Variants in SOS1 observed in about 807,000 individuals in gnomAD.
SOS1 encodes the protein SOS Ras/Rac guanine nucleotide exchange factor 1.
In SOS1, 25 loss-of-function variants were observed where a neutral mutation model predicts 157.6. The observed-to-expected ratio is 0.16, with a 90% confidence interval of 0.12 to 0.22. The LOEUF (loss-of-function observed/expected upper bound fraction) is 0.22. SOS1 is among the 10% of genes least tolerant of loss of function. The probability of loss-of-function intolerance (pLI) is 1.00; values close to 1 mark genes in which losing one functional copy is unlikely to be tolerated. For synonymous variants in SOS1, 528 were observed against 534.0 expected (o/e 0.99, Z 0.16); for missense variants, 1,237 against 1,599.1 (o/e 0.77, Z 3.86).
chr2:39,072,692 A>G (rs576363489), intron 1 of SOS1, among the ~76,000 whole-genome samples: 1 of 152,298 alleles, frequency 6.6e-6, no homozygotes, highest in East Asian at 1.9e-4. Context: ...ATATCCAAAT[A>G]AGAACTATTA....
rs555481161 is a variant in SOS1 at position 39,090,462 on chromosome 2, G to A, written c.88-22709C>T. ...TGTAATCCCAGCACTTTGTGAGGCC[G>A]AGGTGGGCGGATTACCTGAGGTCAG... On this transcript the variant is annotated intron_variant, in intron 1 of 22. Coordinates refer to ENST00000402219, the MANE Select transcript of SOS1 (RefSeq NM_005633.4). Among the ~76,000 whole-genome samples, 5 of 152,222 alleles carry A rather than the reference G, an allele frequency of 3.3e-5. No homozygotes were observed. The South Asian group carries it at 6.2e-4, about 19-fold the overall frequency.
At chr2:39,013,595 G>T (rs1572822505) in intron 12 of SOS1, 32 bp from the exon 13 acceptor site, 3 of 1,322,198 alleles carry the variant, frequency 2.3e-6, no homozygotes, top group Non-Finnish European at 3.3e-6. Flanking sequence ...GAATTACATG[G>T]GAATCAAACA....
At chr2:39,104,272 G>C (rs1393767748) in intron 1 of SOS1, among the ~76,000 whole-genome samples, 1 of 151,618 alleles carries the variant, frequency 6.6e-6, no homozygotes, top group Non-Finnish European at 1.5e-5. Flanking sequence ...ACAACAGCAA[G>C]ACTTCATCTC....
Position 38,981,936 on chromosome 2 carries a change from G to A in SOS1, c.*3888C>T, listed in dbSNP as rs1436560981. 6.6e-6 allele frequency: 1 copy of A among 152,096 alleles called. No homozygotes were observed. The highest frequency in any genetic ancestry group is 1.5e-5 in the Non-Finnish European group (1 of 68,016). The allele number at this position is 152,096 out of a possible 1,614,324, so 9.4% of individuals were successfully genotyped here. A position where few individuals can be genotyped will look rare whatever the true frequency, so the allele number is the denominator to read the frequency against. ...CCCTGCCCAAATCCCGACCCCAAAT[G>A]CTGACTTGATCTGAAGAAAAAAATT... On this transcript the variant is annotated 3_prime_UTR_variant, in exon 23 of 23. Coordinates refer to ENST00000402219, the MANE Select transcript of SOS1 (RefSeq NM_005633.4).
intron 17 of SOS1, among the ~76,000 whole-genome samples, chr2:39,002,162 G>T (rs1558463148): frequency 1.3e-5 from 2 of 151,910 alleles, no homozygotes; most frequent in East Asian, 1.9e-4. Flanking sequence ...CTTGTCTCTA[G>T]TAAAAATACA....
At chr2:38,996,751 C>T (rs890459024) in intron 19 of SOS1, among the ~76,000 whole-genome samples, 171 bp downstream of exon 19, 6 of 152,104 alleles carry the variant, frequency 3.9e-5, no homozygotes, top group Admixed American at 2.6e-4. Context: ...CAAATTAATA[C>T]TAACATTCAT....
intron 1 of SOS1, among the ~76,000 whole-genome samples, chr2:39,117,319 G>A (rs561692540): frequency 3.3e-4 from 50 of 152,226 alleles, no homozygotes; most frequent in Non-Finnish European, 5.1e-4. Context: ...GAGCCACTGC[G>A]CCCGGCCCTG....
At chr2:39,024,655 T>G (rs912877665) in intron 8 of SOS1, among the ~76,000 whole-genome samples, 1 of 152,146 alleles carries the variant, frequency 6.6e-6, no homozygotes, top group African/African-American at 2.4e-5. Flanking sequence ...CTGTGTGACC[T>G]TGGGGCAAGT....
At chr2:39,038,790 T>C (rs1028541265) in intron 6 of SOS1, among the ~76,000 whole-genome samples, 1 of 141,124 alleles carries the variant, frequency 7.1e-6, no homozygotes, top group Non-Finnish European at 1.5e-5. Flanking sequence ...GAAAATACTA[T>C]GAACATTTTT....
chr2:39,089,315 G>A (rs1260725422), intron 1 of SOS1, among the ~76,000 whole-genome samples: 2 of 152,118 alleles, frequency 1.3e-5, no homozygotes, highest in South Asian at 4.1e-4. Flanking sequence ...AGATCACCTT[G>A]AGGTCAGGAG....
intron 19 of SOS1, 94 bp downstream of exon 19, chr2:38,996,828 T>A (rs1427447947): frequency 3.0e-5 from 23 of 759,100 alleles, no homozygotes; most frequent in Non-Finnish European, 5.1e-5. Context: ...CTTTTAACTA[T>A]CACATGTATA....
chr2:39,068,349 T>C (rs754643112), intron 1 of SOS1, among the ~76,000 whole-genome samples: 5 of 152,294 alleles, frequency 3.3e-5, no homozygotes, highest in Non-Finnish European at 7.4e-5. Context: ...GAGGTGATGA[T>C]AAAAGATACA....
chr2:39,038,952 G>T (rs1389067526), intron 6 of SOS1, among the ~76,000 whole-genome samples: 1 of 151,922 alleles, frequency 6.6e-6, no homozygotes, highest in African/African-American at 2.4e-5. Flanking sequence ...TTTCATAAAA[G>T]AAAGAGCGAA....
At chr2:39,056,420 A>G (rs1355129840) in intron 4 of SOS1, among the ~76,000 whole-genome samples, 2 of 152,212 alleles carry the variant, frequency 1.3e-5, no homozygotes, top group Non-Finnish European at 2.9e-5. Context: ...CCGTCTCAAA[A>G]AAAAGAAAAA....
At chr2:39,094,584 C>T (rs908183204) in intron 1 of SOS1, among the ~76,000 whole-genome samples, 6 of 151,968 alleles carry the variant, frequency 3.9e-5, no homozygotes, top group African/African-American at 7.2e-5. Flanking sequence ...GGCTGGGAGG[C>T]GCAGGCTGCA....
intron 1 of SOS1, among the ~76,000 whole-genome samples, chr2:39,081,814 T>C (rs555056832): frequency 6.6e-6 from 1 of 150,646 alleles, no homozygotes; most frequent in East Asian, 1.9e-4. Flanking sequence ...AGACTCTGTC[T>C]CAAAAAAAAA....
intron 1 of SOS1, among the ~76,000 whole-genome samples, chr2:39,075,084 A>G (rs1671923850): frequency 6.6e-6 from 1 of 152,154 alleles, no homozygotes; most frequent in African/African-American, 2.4e-5. Flanking sequence ...TGCTGAAGTC[A>G]AAAATGTCAG....
chr2:39,094,652 C>CAAATAAATAAATAAATAAAT (rs55772987), intron 1 of SOS1, among the ~76,000 whole-genome samples: 5 of 150,852 alleles, frequency 3.3e-5, no homozygotes, highest in African/African-American at 9.8e-5. Context: ...GACTCGGTCT[C>CAAATAAATAAATAAATAAAT]AAATAAATAA....
intron 1 of SOS1, among the ~76,000 whole-genome samples, chr2:39,073,135 G>C (rs891012041): frequency 6.6e-6 from 1 of 152,182 alleles, no homozygotes; most frequent in African/African-American, 2.4e-5. Context: ...ACATTTAATA[G>C]ATCAAATGAT....
Sources: gnomAD v4.1 joint callset for allele counts (sites outside exome capture counted in the v4.1 genomes callset) on GRCh38, gnomAD v4.1.1 for gene constraint, MANE v1.5 for transcripts, NCBI Gene and HGNC (gene_info 2026-07-23, HGNC 2026-07-21) for gene names.